The following ZNF566 variants were observed in gnomAD, a reference collection of about 807,000 sequenced individuals.
The protein encoded by ZNF566 is zinc finger protein 566.
Under a neutral mutation model 32.8 loss-of-function variants are expected in ZNF566, and 27 were observed. The ratio of observed to expected loss-of-function variants is 0.82; its 90% CI spans 0.61 to 1.14. The LOEUF is 1.14. Ranked by LOEUF, ZNF566 falls within the 50% of genes most tolerant of loss-of-function variation. The probability of loss-of-function intolerance (pLI) is 0.00; values close to 1 mark genes in which losing one functional copy is unlikely to be tolerated. For synonymous variants in ZNF566, 154 were observed against 159.5 expected (o/e 0.97, Z 0.26); for missense variants, 402 against 490.4 (o/e 0.82, Z 1.70).
intron 1 of ZNF566, among the ~76,000 whole-genome samples, chr19:36,481,768 T>C (rs889095447): frequency 1.3e-5 from 2 of 152,324 alleles, no homozygotes; most frequent in African/African-American, 4.8e-5. Flanking sequence ...TACAAGGTTA[T>C]TGCAGCACTG....
At chr19:36,487,424 T>C (rs1288317250) in intron 1 of ZNF566, among the ~76,000 whole-genome samples, 4 of 152,082 alleles carry the variant, frequency 2.6e-5, no homozygotes, top group African/African-American at 7.2e-5. Context: ...CAGCCCCAAA[T>C]TGGAAGCTAC....
chr19:36,473,196 T>C (rs927477173), intron 3 of ZNF566, 136 bp downstream of exon 3: 2 of 1,202,304 alleles, frequency 1.7e-6, no homozygotes, highest in African/African-American at 1.5e-5. Flanking sequence ...TTTCTAACTC[T>C]ACCATATTCA....
At chr19:36,477,017 T>TC (rs1263115688) in intron 1 of ZNF566, among the ~76,000 whole-genome samples, 1 of 151,988 alleles carries the variant, frequency 6.6e-6, no homozygotes, top group African/African-American at 2.4e-5. Context: ...ATTTTTTTTT[T>TC]CTTTTCTTTT....
At chr19:36,465,908 T>A (rs1308310265) in intron 4 of ZNF566, among the ~76,000 whole-genome samples, 1 of 151,020 alleles carries the variant, frequency 6.6e-6, no homozygotes, top group Non-Finnish European at 1.5e-5. Context: ...AAAGGCAGTA[T>A]AAATATATAT....
chr19:36,461,331 G>A (rs2033456132), intron 4 of ZNF566, among the ~76,000 whole-genome samples: 1 of 152,156 alleles, frequency 6.6e-6, no homozygotes, highest in African/African-American at 2.4e-5. Flanking sequence ...CTTCAATGGA[G>A]TTTTCTGTTT....
In ZNF566 at chr19:36,449,988, T is replaced by A; in HGVS notation, c.246A>T (p.Arg82Ser). 6.2e-7 allele frequency: 1 copy of A among 1,605,774 alleles called. No homozygotes were observed. Among genetic ancestry groups the A allele is most frequent in the East Asian group, 2.2e-5 (1 of 44,820 alleles). The change falls in exon 5 of 5, where the codon AGA (arginine) becomes AGT (serine). Residue 82 changes from arginine (R) to serine (S), a missense_variant. Around this residue, in one of 3 missense-constraint regions of ZNF566, gnomAD observed 220 missense variants for 241.9 expected, o/e 0.91. Transcript: ENST00000452939. ...TCAGAAATAATTTCTTGGTCTCACA[T>A]CTTGATTCCAGGACTGAAAGAAAAT... is the stretch of plus-strand genomic sequence containing the variant. Reference protein sequence around the residue: ...TRGQWPVLESRCETKKLFLKK... With the variant: ...TRGQWPVLESSCETKKLFLKK...
rs765333070 is a variant in ZNF566, at chr19:36,449,041, C to T, written c.1193G>A (p.Arg398Lys). 4 of 1,610,698 alleles carry T rather than the reference C, an allele frequency of 2.5e-6. No individual in the cohort carries two copies. The highest frequency in any genetic ancestry group is 3.4e-5 in the Admixed American group (2 of 59,226). ...IHTSEKPYEY[R>K]ECGKNFNYDP... The stretch of plus-strand genomic sequence containing the variant: ...ATAATTAAAGTTCTTTCCACATTCC[C>T]TATATTCATAGGGTTTCTCACTAGT... Residue 398 changes from arginine (R) to lysine (K), a missense_variant, in exon 5 of 5, where the codon AGG (arginine) becomes AAG (lysine). Around this residue, in one of 3 missense-constraint regions of ZNF566, gnomAD observed 47 missense variants for 38.5 expected, o/e 1.22. Coordinates refer to ENST00000452939, the MANE Select transcript of ZNF566 (RefSeq NM_001145344.1).
At chr19:36,460,764 A>G (rs2033441543) in intron 4 of ZNF566, among the ~76,000 whole-genome samples, 1 of 152,224 alleles carries the variant, frequency 6.6e-6, no homozygotes, top group African/African-American at 2.4e-5. Flanking sequence ...CAGACACATC[A>G]TAATCAAACT....
rs2033029420 is a variant in ZNF566, at chr19:36,447,675, C to A, written c.*1302G>T. 6.6e-6 allele frequency: 1 copy of A among 151,618 alleles called. No homozygotes were observed. Among genetic ancestry groups the A allele is most frequent in the African/African-American group, 2.4e-5 (1 of 41,240 alleles). 9.4% of individuals were successfully genotyped at this position (151,618 alleles called of 1,614,324 possible). A position where few individuals can be genotyped will look rare whatever the true frequency, so the allele number is the denominator to read the frequency against. ...CAATATTTTGCTTATGTTCTCTTTT[C>A]TTTTTTACTGGGTATATAATGCGAC... On this transcript the variant is annotated 3_prime_UTR_variant, in exon 5 of 5. Transcript: ENST00000452939.
intron 4 of ZNF566, among the ~76,000 whole-genome samples, chr19:36,461,001 C>T (rs2033446612): frequency 6.6e-6 from 1 of 152,172 alleles, no homozygotes; most frequent in African/African-American, 2.4e-5. Context: ...AAAAGTAATA[C>T]TGCAAATGTA....
chr19:36,449,078 G>A lies in ZNF566; in HGVS notation c.1156C>T (p.His386Tyr), dbSNP rs377728867. Residue 386 changes from histidine to tyrosine, a missense_variant, in exon 5 of 5, where the codon CAT becomes TAT. His to Tyr is a moderately conservative substitution (Grantham distance 83). Around this residue, in one of 3 missense-constraint regions of ZNF566, gnomAD observed 47 missense variants for 38.5 expected, o/e 1.22. Transcript: ENST00000452939. ...GGTTTCTCACTAGTATGAATTCTAT[G>A]ATGACTAATAAGCTGTGAACTCTGA... ...YSQSSQLISH[H>Y]RIHTSEKPYE... 2 of 1,613,956 alleles carry A rather than the reference G, an allele frequency of 1.2e-6. No homozygotes were observed. The highest frequency in any genetic ancestry group is 3.3e-5 in the Admixed American group (2 of 59,988).
intron 1 of ZNF566, among the ~76,000 whole-genome samples, chr19:36,483,546 C>T (rs189015093): frequency 6.6e-6 from 1 of 151,958 alleles, no homozygotes; most frequent in Admixed American, 6.6e-5. Context: ...TGAAAAGACA[C>T]AAGAGCCAAC....
intron 4 of ZNF566, among the ~76,000 whole-genome samples, chr19:36,460,732 T>A (rs953857607): frequency 6.6e-6 from 1 of 152,060 alleles, no homozygotes; most frequent in Non-Finnish European, 1.5e-5. Context: ...CCAAATAGGA[T>A]AAACCCAAAG....
chr19:36,454,964 C>A (rs144119404), intron 4 of ZNF566, among the ~76,000 whole-genome samples: 1 of 152,160 alleles, frequency 6.6e-6, no homozygotes, highest in East Asian at 1.9e-4. Context: ...AACACAGATA[C>A]AAAAATCCTC....
intron 4 of ZNF566, among the ~76,000 whole-genome samples, chr19:36,471,131 T>C (rs531538482): frequency 6.6e-6 from 1 of 150,584 alleles, no homozygotes; most frequent in Non-Finnish European, 1.5e-5. Flanking sequence ...GGAGAATCGC[T>C]TGAACCTGGG....
At chr19:36,463,398 TAA>T (rs1404899788) in intron 4 of ZNF566, among the ~76,000 whole-genome samples, 1 of 152,070 alleles carries the variant, frequency 6.6e-6, no homozygotes, top group African/African-American at 2.4e-5. Flanking sequence ...TTTTTTGAGA[TAA>T]GTTTATAAAA....
rs2033049765 is a variant in ZNF566, at chr19:36,448,452, G to A, written c.*525C>T. On this transcript the variant is annotated 3_prime_UTR_variant, in exon 5 of 5. Coordinates refer to ENST00000452939, the MANE Select transcript of ZNF566 (RefSeq NM_001145344.1). ...ATTTTTACAATAAGAAAGCCTTAAT[G>A]TTATAAAGAACAAAAAGAATAAGCC... The A allele has an allele frequency of 6.6e-6, 1 of 152,076 alleles. No individual in the cohort carries two copies. Among genetic ancestry groups the A allele is most frequent in the African/African-American group, 2.4e-5 (1 of 41,398 alleles). The allele number at this position is 152,076 out of a possible 1,614,324, so 9.4% of individuals were successfully genotyped here. A position where few individuals can be genotyped will look rare whatever the true frequency, so the allele number is the denominator to read the frequency against.
chr19:36,461,512 CA>C (rs990790981), intron 4 of ZNF566, among the ~76,000 whole-genome samples: 2 of 151,364 alleles, frequency 1.3e-5, no homozygotes, highest in African/African-American at 4.9e-5. Context: ...ACTAAAAATA[CA>C]AAAAAAATTA....
intron 4 of ZNF566, among the ~76,000 whole-genome samples, chr19:36,452,682 A>G (rs2033187129): frequency 6.6e-6 from 1 of 151,988 alleles, no homozygotes; most frequent in African/African-American, 2.4e-5. Flanking sequence ...AAGAAACATC[A>G]AAAAGAGTTC....
Sources: allele counts gnomAD v4.1 joint callset (sites outside exome capture counted in the v4.1 genomes callset), GRCh38; gene constraint gnomAD v4.1.1; regional missense constraint gnomAD v4.1.1; transcripts MANE v1.5; gene names NCBI Gene and HGNC (gene_info 2026-07-23, HGNC 2026-07-21).